DYNC1LI1: variants seen among roughly 807,000 people sequenced by gnomAD.
The protein encoded by DYNC1LI1 is dynein cytoplasmic 1 light intermediate chain 1, also known as cytoplasmic dynein 1 light intermediate chain 1.
Under a neutral mutation model 63.8 loss-of-function variants are expected in DYNC1LI1, and 19 were observed. That is an observed-to-expected ratio of 0.30 (90% CI 0.21 to 0.44). DYNC1LI1 has a LOEUF of 0.44. Ranked by LOEUF, DYNC1LI1 falls within the 20% of genes least tolerant of loss-of-function variation. The pLI, the probability that DYNC1LI1 is intolerant of heterozygous loss-of-function variation, is 1.00. For missense variants in DYNC1LI1, 565 were observed against 630.2 expected (o/e 0.90, Z 1.11); for synonymous variants, 225 against 232.3 (o/e 0.97, Z 0.28).
At chr3:32,565,617 T>C (rs1198710549) in intron 2 of DYNC1LI1, among the ~76,000 whole-genome samples, 1 of 152,190 alleles carries the variant, frequency 6.6e-6, no homozygotes, top group Non-Finnish European at 1.5e-5. Flanking sequence ...ACAATTTTTC[T>C]TTCTTTTTTT....
At position 32,570,857 on chromosome 3, in the gene DYNC1LI1, A is replaced by C; in HGVS notation, c.-87T>G. On this transcript the variant is annotated 5_prime_UTR_variant, in exon 1 of 13. Transcript: ENST00000273130. ...CGGTGGAGGCGGCGGGAACCCGGAT[A>C]TGGGGCGTTCAGCGCACGGGAGCGG... 1 of 1,421,420 alleles carries C rather than the reference A, an allele frequency of 7.0e-7. No homozygotes were observed. The highest frequency in any genetic ancestry group is 1.3e-5 in the South Asian group (1 of 75,300). The allele number at this position is 1,421,420 out of a possible 1,614,324, so 88.1% of individuals were successfully genotyped here.
At chr3:32,551,191 A>G (rs9821004) in intron 2 of DYNC1LI1, among the ~76,000 whole-genome samples, 4,788 of 152,284 alleles carry the variant, frequency 0.031, 256 homozygotes, top group African/African-American at 0.11. Flanking sequence ...CAAATCAGGA[A>G]GTCAGCCCAG....
intron 2 of DYNC1LI1, among the ~76,000 whole-genome samples, chr3:32,560,164 G>A (rs1698170042): frequency 6.6e-6 from 1 of 152,204 alleles, no homozygotes; most frequent in South Asian, 2.1e-4. Flanking sequence ...GCCAGGCGTG[G>A]TGGCTCACAG....
At chr3:32,562,360 G>A (rs1698205041) in intron 2 of DYNC1LI1, among the ~76,000 whole-genome samples, 1 of 152,098 alleles carries the variant, frequency 6.6e-6, no homozygotes, top group Middle Eastern at 3.2e-3. Context: ...CTTCTTTTGG[G>A]ACAAGGTCCC....
intron 8 of DYNC1LI1, chr3:32,530,792 A>C (rs904809023): frequency 3.6e-5 from 13 of 365,098 alleles, no homozygotes; most frequent in Non-Finnish European, 5.9e-5. Context: ...AAATGTGGCT[A>C]GTGTGACTAA....
intron 2 of DYNC1LI1, among the ~76,000 whole-genome samples, chr3:32,567,345 C>G (rs571592568): frequency 1.3e-5 from 2 of 152,164 alleles, no homozygotes; most frequent in African/African-American, 4.8e-5. Context: ...TACACATACA[C>G]ACGTTACTAC....
intron 2 of DYNC1LI1, among the ~76,000 whole-genome samples, chr3:32,567,531 TTTATTATTATTA>T (rs71295031): frequency 1.4e-5 from 2 of 148,024 alleles, no homozygotes; most frequent in Admixed American, 1.3e-4. Context: ...TTTTATTTTA[TTTATTATTATTA>T]TTATTATTAT....
chr3:32,533,308 T>C (rs950469945), intron 7 of DYNC1LI1, among the ~76,000 whole-genome samples: 1 of 151,746 alleles, frequency 6.6e-6, no homozygotes, highest in Non-Finnish European at 1.5e-5. Flanking sequence ...CTACAAAAAA[T>C]AAAAAAGAAA....
intron 2 of DYNC1LI1, among the ~76,000 whole-genome samples, chr3:32,554,440 GT>G (rs1698084556): frequency 1.3e-5 from 2 of 152,200 alleles, no homozygotes; most frequent in African/African-American, 4.8e-5. Context: ...CTTGTAACAA[GT>G]TAGAAATGGT....
At chr3:32,534,717 A>C in intron 6 of DYNC1LI1, 71 bp from the exon 7 acceptor site, 1 of 1,263,516 alleles carries the variant, frequency 7.9e-7, no homozygotes, top group South Asian at 1.9e-5. Context: ...CTGTGTTTTC[A>C]GCTTAACTTT....
chr3:32,527,808 A>G (rs1425736045), intron 12 of DYNC1LI1, among the ~76,000 whole-genome samples: 1 of 152,172 alleles, frequency 6.6e-6, no homozygotes, highest in Non-Finnish European at 1.5e-5. Context: ...CCATATAATG[A>G]AATATTATTC....
chr3:32,537,943 T>C (rs1484454012), intron 5 of DYNC1LI1, among the ~76,000 whole-genome samples: 3 of 10,976 alleles, frequency 2.7e-4, no homozygotes, highest in Non-Finnish European at 4.0e-4. Flanking sequence ...ATATAATATA[T>C]ATATAATTTA....
At chr3:32,528,112 CAAAAAAAA>C (rs60912161) in intron 12 of DYNC1LI1, among the ~76,000 whole-genome samples, 34 of 29,902 alleles carry the variant, frequency 1.1e-3, no homozygotes, top group Admixed American at 2.6e-3. Context: ...GACTCCATCT[CAAAAAAAA>C]AAAAAAAAAA....
Position 32,561,026 on chromosome 3 carries a change from A to C in DYNC1LI1, c.220+9320T>G, listed in dbSNP as rs1218829234. ...TCAAAAAAAAAAAAAAAAAAAAAAA[A>C]AAAAAAACAAACAAAAAAAACACAC... On this transcript the variant is annotated intron_variant, in intron 2 of 12. Transcript: ENST00000273130. Among the ~76,000 whole-genome samples the C allele has an allele frequency of 7.1e-5, 10 of 141,298 alleles. 1 individual carries two copies. Among genetic ancestry groups the C allele is most frequent in the African/African-American group, 2.6e-4 (9 of 34,052 alleles). 92.7% of individuals were successfully genotyped at this position (141,298 alleles called of 152,430 possible). A position where few individuals can be genotyped will look rare whatever the true frequency, so the allele number is the denominator to read the frequency against.
chr3:32,537,896 ATAT>A (rs1446021180), intron 5 of DYNC1LI1, among the ~76,000 whole-genome samples: 1 of 85,988 alleles, frequency 1.2e-5, no homozygotes, highest in Non-Finnish European at 2.1e-5. Context: ...TAATTTATAT[ATAT>A]AATATATATA....
intron 2 of DYNC1LI1, among the ~76,000 whole-genome samples, chr3:32,554,704 CCT>C (rs1698088829): frequency 6.6e-6 from 1 of 152,118 alleles, no homozygotes; most frequent in Non-Finnish European, 1.5e-5. Flanking sequence ...ATTCTGACCA[CCT>C]CACACAGTGC....
chr3:32,569,208 T>C (rs1453434488), intron 2 of DYNC1LI1, among the ~76,000 whole-genome samples: 1 of 152,202 alleles, frequency 6.6e-6, no homozygotes, highest in Non-Finnish European at 1.5e-5. Flanking sequence ...TTATATGTGA[T>C]AGGGCAGTGA....
intron 6 of DYNC1LI1, among the ~76,000 whole-genome samples, chr3:32,536,270 T>C (rs1341059466): frequency 1.3e-5 from 2 of 152,202 alleles, no homozygotes; most frequent in Admixed American, 6.5e-5. Context: ...TTTCATTATG[T>C]TTCAGACTCA....
At chr3:32,537,877 ATATATATATAATT>A (rs1697796114) in intron 5 of DYNC1LI1, among the ~76,000 whole-genome samples, 1 of 103,622 alleles carries the variant, frequency 9.7e-6, no homozygotes, top group East Asian at 2.4e-4. Flanking sequence ...TGTTACATAT[ATATATATATAATT>A]TATATATATA....
Sources: allele counts gnomAD v4.1 joint callset (sites outside exome capture counted in the v4.1 genomes callset), GRCh38; gene constraint gnomAD v4.1.1; transcripts MANE v1.5; gene names NCBI Gene and HGNC (gene_info 2026-07-23, HGNC 2026-07-21).